PTPRA: variants seen among roughly 807,000 people sequenced by gnomAD.
The protein encoded by PTPRA is protein tyrosine phosphatase receptor type A, also known as receptor-type tyrosine-protein phosphatase alpha.
A neutral mutation model predicts 104.8 loss-of-function variants in PTPRA; 25 were observed. The observed-to-expected ratio is 0.24, with a 90% CI of 0.17 to 0.33. The LOEUF is 0.33. PTPRA is among the 10% of genes least tolerant of loss of function. The pLI is 1.00. For missense variants in PTPRA, 765 were observed against 1,015.3 expected, an observed-to-expected ratio of 0.75 and a Z score of 3.35; for synonymous variants, 323 against 368.9, an observed-to-expected ratio of 0.88 and a Z score of 1.43.
chr20:3,026,493 G>A (rs1406380967), intron 17 of PTPRA, among the ~76,000 whole-genome samples, 194 bp from the exon 18 acceptor site: 1 of 152,172 alleles, frequency 6.6e-6, no homozygotes, highest in Non-Finnish European at 1.5e-5. Flanking sequence ...ACAGGAGCCT[G>A]GAAGGTAGCA....
intron 1 of PTPRA, among the ~76,000 whole-genome samples, chr20:2,910,610 A>ATTTTTT (rs1352753968): frequency 2.6e-4 from 12 of 45,358 alleles, no homozygotes; most frequent in African/African-American, 5.9e-4. Context: ...GTTTTTTTTA[A>ATTTTTT]TTTTTTTTTT....
Position 2,975,202 on chromosome 20 carries a change from A to G in PTPRA, c.416-13A>G. 2 of 1,581,162 alleles carry G rather than the reference A, an allele frequency of 1.3e-6. No individual in the cohort carries two copies. Among genetic ancestry groups the G allele is most frequent in the South Asian group, 2.2e-5 (2 of 89,068 alleles). On this transcript the variant is annotated splice_polypyrimidine_tract_variant and intron_variant, in intron 5 of 23. Coordinates refer to ENST00000399903, the MANE Select transcript of PTPRA (RefSeq NM_001385305.1). ...ACCTGAATGAATGTTTCTATTTTTTACTTATTACACAGGTAATTCTGACTC... is the reference window on the plus strand; with the variant it reads ...ACCTGAATGAATGTTTCTATTTTTTGCTTATTACACAGGTAATTCTGACTC...
rs147898735 is a variant in PTPRA at position 2,943,206 on chromosome 20, T to TCCCCC, written c.-49-4774_-49-4770dup. 2.0e-3 allele frequency among the ~76,000 whole-genome samples: 193 copies of TCCCCC among 96,920 alleles called. 2 individuals carry two copies. The highest frequency in any genetic ancestry group is 5.4e-3 in the African/African-American group (153 of 28,078). The allele number at this position is 96,920 out of a possible 152,430, so 63.6% of individuals were successfully genotyped here. A position where few individuals can be genotyped will look rare whatever the true frequency, so the allele number is the denominator to read the frequency against. ...CATCTACTGGGAGTCTTGGAACATATCCCCCCACCCCCCCCCCAGATAAGG... is the reference window on the plus strand; with the variant it reads ...CATCTACTGGGAGTCTTGGAACATATCCCCCCCCCCCACCCCCCCCCCAGATAAGG... On this transcript the variant is annotated intron_variant, in intron 2 of 23. Coordinates refer to ENST00000399903, the MANE Select transcript of PTPRA (RefSeq NM_001385305.1).
chr20:2,959,898 CCA>C (rs1167622279), intron 3 of PTPRA, among the ~76,000 whole-genome samples: 1 of 152,076 alleles, frequency 6.6e-6, no homozygotes, highest in Admixed American at 6.6e-5. Flanking sequence ...TTACAGTGAG[CCA>C]CAGTCATGCC....
chr20:2,952,599 G>T (rs2061391083), intron 3 of PTPRA, among the ~76,000 whole-genome samples: 1 of 152,090 alleles, frequency 6.6e-6, no homozygotes, highest in African/African-American at 2.4e-5. Context: ...CTCTTTGTAA[G>T]TATACAGTTT....
chr20:2,998,986 CAT>C (rs960492758), intron 9 of PTPRA, among the ~76,000 whole-genome samples: 23 of 150,218 alleles, frequency 1.5e-4, no homozygotes, highest in African/African-American at 2.0e-4. Flanking sequence ...ATTAATATGA[CAT>C]ATTATAGAAT....
chr20:2,994,943 A>G (rs2063339061), intron 9 of PTPRA, among the ~76,000 whole-genome samples: 1 of 152,146 alleles, frequency 6.6e-6, no homozygotes. Flanking sequence ...CAGCCTGACC[A>G]ACATGCTGAA....
chr20:2,865,991 G>C, the PTPRA span: 171 of 575,226 alleles, frequency 3.0e-4, 1 homozygote, highest in Non-Finnish European at 4.2e-4. This position sits in a 1 kb window ranked among gnomAD's most constrained non-coding sequence, Gnocchi z 5.2. Context: ...GGAAATAATT[G>C]GTCTCAAGTC....
At chr20:2,993,824 T>C (rs954909447) in intron 9 of PTPRA, among the ~76,000 whole-genome samples, 1 of 152,192 alleles carries the variant, frequency 6.6e-6, no homozygotes, top group Non-Finnish European at 1.5e-5. Context: ...GCCAATGTTA[T>C]TGAAAATCAA....
intron 1 of PTPRA, among the ~76,000 whole-genome samples, chr20:2,906,315 T>C (rs2059426436): frequency 6.6e-6 from 1 of 152,318 alleles, no homozygotes; most frequent in African/African-American, 2.4e-5. Context: ...TGAGTCCTAT[T>C]TGTGTTAGAT....
chr20:3,028,622 G>A (rs1370425913), intron 20 of PTPRA, among the ~76,000 whole-genome samples: 3 of 152,206 alleles, frequency 2.0e-5, no homozygotes, highest in East Asian at 1.9e-4. Context: ...AATTATTTCT[G>A]TTGAGGTTGC....
chr20:2,981,529 G>A (rs971498245), intron 6 of PTPRA, among the ~76,000 whole-genome samples: 13 of 152,172 alleles, frequency 8.5e-5, no homozygotes, highest in Admixed American at 7.9e-4. Flanking sequence ...CCACATAACA[G>A]AGAATTGTAT....
chr20:3,018,844 G>A (rs1385063460), intron 13 of PTPRA, among the ~76,000 whole-genome samples: 14 of 96,316 alleles, frequency 1.5e-4, no homozygotes, highest in Admixed American at 4.2e-4. Context: ...GCGGCTGGCC[G>A]GGCGGGGGGC....
In PTPRA at chr20:2,905,413, C is replaced by T. The variant is rs933361545; in HGVS notation, c.-128-17794C>T. Among the ~76,000 whole-genome samples the T allele has an allele frequency of 9.2e-5, 14 of 152,258 alleles. No homozygotes were observed. In the East Asian group the frequency reaches 2.1e-3, roughly 23 times the overall value. The stretch of plus-strand genomic sequence containing the variant: ...GCTGCTCTCTAGCACATCTTGCCTT[C>T]GTCTCTCACTAGTTGAATTTTACAC... On this transcript the variant is annotated intron_variant, in intron 1 of 23. Transcript: ENST00000399903.
chr20:2,917,894 G>GC (rs2147303408), intron 1 of PTPRA, among the ~76,000 whole-genome samples: 1 of 151,124 alleles, frequency 6.6e-6, no homozygotes, highest in South Asian at 2.1e-4. Flanking sequence ...TTCAAGACAA[G>GC]CCTGGCCAAG....
chr20:2,948,955 A>G (rs1179774528), intron 3 of PTPRA, among the ~76,000 whole-genome samples: 1 of 152,124 alleles, frequency 6.6e-6, no homozygotes, highest in Non-Finnish European at 1.5e-5. Context: ...CCGTCTCAAA[A>G]AAAAAAAGTA....
chr20:3,012,297 T>C (rs57766834), intron 11 of PTPRA, among the ~76,000 whole-genome samples: 1 of 152,318 alleles, frequency 6.6e-6, no homozygotes, highest in African/African-American at 2.4e-5. Flanking sequence ...TTGGGGGCTA[T>C]TGCAATAGCA....
upstream of PTPRA, among the ~76,000 whole-genome samples, chr20:2,871,541 CAT>C (rs1291888693): frequency 6.6e-6 from 1 of 152,042 alleles, no homozygotes; most frequent in East Asian, 1.9e-4. Context: ...CAAAAAGAAA[CAT>C]ATTAAGAAAT....
At chr20:2,915,441 A>G (rs1245698937) in intron 1 of PTPRA, among the ~76,000 whole-genome samples, 1 of 151,674 alleles carries the variant, frequency 6.6e-6, no homozygotes, top group East Asian at 1.9e-4. Flanking sequence ...TTCTTTGCCT[A>G]TTTTTTAAAT....
Sources: allele counts gnomAD v4.1 joint callset (sites outside exome capture counted in the v4.1 genomes callset), GRCh38; gene constraint gnomAD v4.1.1; non-coding constraint Gnocchi (gnomAD v3.1); transcripts MANE v1.5; gene names NCBI Gene and HGNC (gene_info 2026-07-23, HGNC 2026-07-21).